Variants in FBXO16 observed in about 807,000 individuals in gnomAD.
FBXO16 encodes F-box protein 16, also known as F-box only protein 16.
FBXO16 carries 31 observed loss-of-function variants against 41.0 expected under a neutral mutation model. The observed-to-expected ratio is 0.76, with a 90% CI of 0.57 to 1.02. The LOEUF is 1.02. FBXO16 is among the 50% of genes least tolerant of loss of function. The pLI, the probability that FBXO16 is intolerant of heterozygous loss-of-function variation, is 0.00. For synonymous variants in FBXO16, 133 were observed against 117.8 expected (o/e 1.13, Z -0.84); for missense variants, 361 against 346.2 (o/e 1.04, Z -0.34).
intron 3 of FBXO16, among the ~76,000 whole-genome samples, chr8:28,468,958 A>G (rs375004966): frequency 6.6e-6 from 1 of 152,192 alleles, no homozygotes; most frequent in Non-Finnish European, 1.5e-5. Context: ...CCCACAGATA[A>G]CCAGTGTTCA....
chr8:28,452,592 G>C, intron 5 of FBXO16, 116 bp from the exon 6 acceptor site: 1 of 880,004 alleles, frequency 1.1e-6, no homozygotes, highest in Non-Finnish European at 1.8e-6. Flanking sequence ...CCTGAGGTCA[G>C]AAGTTCGAGA....
intron 6 of FBXO16, among the ~76,000 whole-genome samples, chr8:28,448,340 C>CAAAAAAAAAAAAAAAAA (rs56323338): frequency 8.1e-5 from 4 of 49,672 alleles, no homozygotes; most frequent in Admixed American, 2.5e-4. Context: ...GACCCTAAAT[C>CAAAAAAAAAAAAAAAAA]AAAAAAAAAA....
At chr8:28,481,086 G>C (rs1006245615) in intron 2 of FBXO16, among the ~76,000 whole-genome samples, 6 of 152,326 alleles carry the variant, frequency 3.9e-5, no homozygotes, top group African/African-American at 1.4e-4. Flanking sequence ...CATCAGATGT[G>C]AGGGAGCAGT....
At chr8:28,448,541 CAAAT>C (rs1277318100) in intron 6 of FBXO16, among the ~76,000 whole-genome samples, 10 of 151,884 alleles carry the variant, frequency 6.6e-5, no homozygotes. Context: ...CAAAATGAAA[CAAAT>C]ATATATCTAT....
intron 6 of FBXO16, among the ~76,000 whole-genome samples, chr8:28,448,340 CAAAAAAAA>C (rs56323338): frequency 2.0e-5 from 1 of 49,914 alleles, no homozygotes; most frequent in Non-Finnish European, 4.2e-5. Flanking sequence ...GACCCTAAAT[CAAAAAAAA>C]AAAAAAAAAA....
At chr8:28,453,195 A>G (rs1458735875) in intron 5 of FBXO16, among the ~76,000 whole-genome samples, 1 of 152,162 alleles carries the variant, frequency 6.6e-6, no homozygotes, top group Non-Finnish European at 1.5e-5. Flanking sequence ...TTTGCCCACT[A>G]CTACAAAAGT....
intron 7 of FBXO16, among the ~76,000 whole-genome samples, chr8:28,446,599 C>T (rs1003554416): frequency 5.3e-5 from 8 of 151,476 alleles, no homozygotes; most frequent in African/African-American, 1.5e-4. Context: ...TGGCCAGGCG[C>T]GGTGGCTCAT....
At chr8:28,487,840 C>T (rs1218026096) in intron 1 of FBXO16, among the ~76,000 whole-genome samples, 1 of 151,360 alleles carries the variant, frequency 6.6e-6, no homozygotes, top group Non-Finnish European at 1.5e-5. Flanking sequence ...TTTGAATATT[C>T]ATCTTTTTTT....
At chr8:28,454,390 C>T (rs1013611373) in intron 5 of FBXO16, among the ~76,000 whole-genome samples, 1 of 151,550 alleles carries the variant, frequency 6.6e-6, no homozygotes, top group Non-Finnish European at 1.5e-5. Context: ...AAAATAACTT[C>T]AGGGGGAAAT....
At chr8:28,452,126 A>T in intron 6 of FBXO16, 118 bp downstream of exon 6, 1 of 960,218 alleles carries the variant, frequency 1.0e-6, no homozygotes, top group South Asian at 1.8e-5. Context: ...TTTTGCTTCT[A>T]TGTACTGAAA....
chr8:28,460,445 T>TTTTTTTTTTTG (rs371229894), intron 4 of FBXO16, among the ~76,000 whole-genome samples: 1 of 135,584 alleles, frequency 7.4e-6, no homozygotes, highest in African/African-American at 3.1e-5. Flanking sequence ...TTTTTTTTTT[T>TTTTTTTTTTTG]GAGACAGCGT....
chr8:28,475,900 A>T (rs1803415761), intron 2 of FBXO16, among the ~76,000 whole-genome samples: 1 of 152,194 alleles, frequency 6.6e-6, no homozygotes, highest in Non-Finnish European at 1.5e-5. Context: ...TTTAGAAAGG[A>T]TAAGCAGAGG....
chr8:28,461,537 T>C (rs547822894), intron 4 of FBXO16, among the ~76,000 whole-genome samples: 2 of 150,808 alleles, frequency 1.3e-5, no homozygotes, highest in Non-Finnish European at 2.9e-5. Context: ...TTTGCTCATT[T>C]TTCTGCTGGG....
intron 4 of FBXO16, among the ~76,000 whole-genome samples, chr8:28,462,330 G>C (rs1441660884): frequency 2.0e-5 from 3 of 148,714 alleles, no homozygotes; most frequent in African/African-American, 7.5e-5. Context: ...TCAGGCTGGA[G>C]TGCAGTGGCG....
intron 6 of FBXO16, 118 bp from the exon 7 acceptor site, chr8:28,447,391 T>C: frequency 3.4e-6 from 3 of 877,272 alleles, no homozygotes; most frequent in Non-Finnish European, 5.3e-6. Context: ...TTGTCTCCAC[T>C]TAACTGGAAA....
chr8:28,449,233 G>A (rs1438429692), intron 6 of FBXO16: 1 of 151,266 alleles, frequency 6.6e-6, no homozygotes, highest in Non-Finnish European at 1.5e-5. Context: ...GGAAAAAAAA[G>A]GACAGAGGGG....
chr8:28,485,767 A>G (rs756977210), intron 1 of FBXO16, among the ~76,000 whole-genome samples: 7 of 152,218 alleles, frequency 4.6e-5, no homozygotes, highest in Non-Finnish European at 1.0e-4. Flanking sequence ...ATTTCATTAC[A>G]GTAATTTTAA....
intron 7 of FBXO16, among the ~76,000 whole-genome samples, chr8:28,435,171 ATT>A (rs71222552): frequency 5.7e-5 from 8 of 140,894 alleles, no homozygotes; most frequent in Admixed American, 1.4e-4. Flanking sequence ...ATGAGGGCAG[ATT>A]TTTTTTTTTT....
chr8:28,478,683 TGTG>T (rs553870449), intron 2 of FBXO16, among the ~76,000 whole-genome samples: 1 of 151,558 alleles, frequency 6.6e-6, no homozygotes, highest in African/African-American at 2.4e-5. Flanking sequence ...ATTAGCCAGG[TGTG>T]GTGGTGGGTG....
Sources: gnomAD v4.1 joint callset for allele counts (sites outside exome capture counted in the v4.1 genomes callset) on GRCh38, gnomAD v4.1.1 for gene constraint, MANE v1.5 for transcripts, NCBI Gene and HGNC (gene_info 2026-07-23, HGNC 2026-07-21) for gene names.